WDR11: variants seen among roughly 807,000 people sequenced by gnomAD.
WDR11 encodes WD repeat-containing protein 11.
Under a neutral mutation model 151.2 loss-of-function variants are expected in WDR11, and 83 were observed. The ratio of observed to expected loss-of-function variants is 0.55; its 90% CI spans 0.46 to 0.66. The LOEUF is 0.66. WDR11 is among the 30% of genes least tolerant of loss of function. The pLI, the probability that WDR11 is intolerant of heterozygous loss-of-function variation, is 0.00. For missense variants in WDR11, 1,301 were observed against 1,480.9 expected (o/e 0.88, Z 1.99); for synonymous variants, 484 against 533.1 (o/e 0.91, Z 1.27).
chr10:120,866,214 T>G (rs1009248144), intron 7 of WDR11, among the ~76,000 whole-genome samples: 3 of 152,206 alleles, frequency 2.0e-5, no homozygotes, highest in African/African-American at 7.2e-5. Context: ...TTTTCACATC[T>G]TTTGGAAAGT....
At chr10:120,889,779 G>T (rs1182837515) in intron 17 of WDR11, 116 bp from the exon 18 acceptor site, 2 of 771,712 alleles carry the variant, frequency 2.6e-6, no homozygotes, top group African/African-American at 3.4e-5. Context: ...GCAAGTAAAG[G>T]GTTCTCCCAT....
Position 120,881,019 on chromosome 10 carries a change from G to C in WDR11, c.1739+118G>C. 4 of 881,262 alleles carry C rather than the reference G, an allele frequency of 4.5e-6. No individual in the cohort carries two copies. In the South Asian group the frequency reaches 5.9e-5, roughly 13 times the overall value. 54.6% of individuals were successfully genotyped at this position (881,262 alleles called of 1,614,324 possible). On this transcript the variant is annotated intron_variant, in intron 13 of 28. Transcript: ENST00000263461. ...TGCATATGGAATCTTTTTAGTGATA[G>C]CAAATGGTGATATGCAGCCCAAAGA...
intron 20 of WDR11, 94 bp from the exon 21 acceptor site, chr10:120,900,942 G>T (rs1847791597): frequency 1.2e-5 from 11 of 897,308 alleles, no homozygotes; most frequent in South Asian, 9.7e-5. Flanking sequence ...TACGAAGAAG[G>T]TTATCTCTAT....
chr10:120,908,525 T>A (rs1848157999), intron 28 of WDR11, 31 bp from the exon 29 acceptor site: 1 of 1,613,172 alleles, frequency 6.2e-7, no homozygotes, highest in South Asian at 1.1e-5. Context: ...CACAGCCCTT[T>A]TTACTCTTCT....
At position 120,906,787 on chromosome 10, in the gene WDR11, T is replaced by C. The variant is rs201977924; in HGVS notation, c.3449T>C (p.Phe1150Ser). ...VAETLHSMRYFDRAALFVEAC... is the reference protein window; with the variant it reads ...VAETLHSMRYSDRAALFVEAC... ...GTTCTGTTGAGCAGCATGAGATACT[T>C]TGATAGAGCAGCCTTATTTGTGGAA... The change falls in exon 28 of 29, where the codon TTT becomes TCT. Residue 1150 changes from phenylalanine to serine, a missense_variant. This residue lies in a region of WDR11 where 589 missense variants were observed against 670.6 expected (regional missense o/e 0.88). Coordinates refer to ENST00000263461, the MANE Select transcript of WDR11 (RefSeq NM_018117.12). 13 of 1,614,158 alleles carry C rather than the reference T, an allele frequency of 8.1e-6. No homozygotes were observed. In the East Asian group the frequency reaches 2.9e-4, roughly 36 times the overall value.
At chr10:120,885,703 G>A in intron 14 of WDR11, 111 bp from the exon 15 acceptor site, 3 of 1,332,440 alleles carry the variant, frequency 2.3e-6, no homozygotes, top group Non-Finnish European at 3.2e-6. Flanking sequence ...GGATTCATGT[G>A]TAGTAATAAT....
chr10:120,891,122 G>A (rs1474859874), intron 19 of WDR11, among the ~76,000 whole-genome samples: 13 of 144,712 alleles, frequency 9.0e-5, no homozygotes, highest in Non-Finnish European at 1.5e-5. Flanking sequence ...TGCCCCTTTT[G>A]ACTCTTTTCT....
At chr10:120,894,531 T>G (rs916805666) in intron 19 of WDR11, among the ~76,000 whole-genome samples, 1 of 152,180 alleles carries the variant, frequency 6.6e-6, no homozygotes, top group Non-Finnish European at 1.5e-5. Context: ...TTTTCACCGT[T>G]CATTGAATCA....
intron 9 of WDR11, chr10:120,868,813 T>C (rs1192259371): frequency 6.6e-6 from 1 of 152,198 alleles, no homozygotes; most frequent in African/African-American, 2.4e-5. Context: ...TTTCTGCCAG[T>C]TATGAAATCC....
At chr10:120,864,747 T>A (rs1183996557) in intron 5 of WDR11, among the ~76,000 whole-genome samples, 1 of 152,166 alleles carries the variant, frequency 6.6e-6, no homozygotes, top group African/African-American at 2.4e-5. Context: ...GCATGCCAGC[T>A]ATTATTATAT....
rs925841300 is a variant in WDR11 at position 120,878,561 on chromosome 10, T to TA, written c.1663+103dup. On this transcript the variant is annotated intron_variant, in intron 12 of 28. Transcript: ENST00000263461. Reference sequence around the variant, plus strand: ...CTTCTTTCACCTTGGAATTTTTTTTTATATTTCATGCTTATATATTTATTC... The same window carrying TA: ...CTTCTTTCACCTTGGAATTTTTTTTTAATATTTCATGCTTATATATTTATTC... The TA allele has an allele frequency of 2.0e-5, 18 of 888,156 alleles. No homozygotes were observed. In the Admixed American group the frequency reaches 2.3e-4, roughly 12 times the overall value. 55.0% of individuals were successfully genotyped at this position (888,156 alleles called of 1,614,324 possible).
intron 1 of WDR11, 39 bp downstream of exon 1, chr10:120,851,545 G>A (rs749782417): frequency 6.3e-7 from 1 of 1,595,252 alleles, no homozygotes; most frequent in African/African-American, 1.3e-5. Context: ...GGATCGGCCA[G>A]GAATGTGTGA....
intron 10 of WDR11, 126 bp from the exon 11 acceptor site, chr10:120,873,713 C>A (rs942252070): frequency 1.4e-6 from 1 of 724,752 alleles, no homozygotes; most frequent in Non-Finnish European, 2.5e-6. Flanking sequence ...TGTTTAAACA[C>A]ATAGTTTGGG....
At chr10:120,896,335 GA>G (rs1847613751) in intron 19 of WDR11, among the ~76,000 whole-genome samples, 2 of 152,142 alleles carry the variant, frequency 1.3e-5, no homozygotes, top group African/African-American at 4.8e-5. Flanking sequence ...GATGTAGATG[GA>G]AAAATGGAGA....
At position 120,862,906 on chromosome 10, in the gene WDR11, C is replaced by A; in HGVS notation, c.698C>A (p.Thr233Asn). 1 of 1,610,804 alleles carries A rather than the reference C, an allele frequency of 6.2e-7. No individual in the cohort carries two copies. The highest frequency in any genetic ancestry group is 8.5e-7 in the Non-Finnish European group (1 of 1,177,060). The change falls in exon 5 of 29, where the codon ACT becomes AAT. Residue 233 changes from threonine (T) to asparagine (N), a missense_variant. This residue lies in a region of WDR11 where 692 missense variants were observed against 762.5 expected (regional missense o/e 0.91). Coordinates refer to ENST00000263461, the MANE Select transcript of WDR11 (RefSeq NM_018117.12). ...CTAAATAAAGTAAAAATTTTAATCA[C>A]TCAAGAGAAACCTAGGTAAGTTACA... ...KALNKVKILI[T>N]QEKPSAEFIT...
intron 17 of WDR11, chr10:120,889,459 C>G: frequency 2.4e-6 from 1 of 409,972 alleles, no homozygotes; most frequent in East Asian, 5.5e-5. Flanking sequence ...CCAGGATGGT[C>G]TCGATCTCCT....
chr10:120,881,502 GT>G (rs10718730), intron 13 of WDR11, among the ~76,000 whole-genome samples: 56,522 of 151,862 alleles, frequency 0.37, 10,607 homozygotes, highest in Admixed American at 0.44. Context: ...ATCTTAACAA[GT>G]TTTGTAACTC....
Position 120,871,352 on chromosome 10 carries a change from T to C in WDR11, c.1471+6T>C, listed in dbSNP as rs1405518860. The C allele has an allele frequency of 1.9e-6, 3 of 1,613,270 alleles. No homozygotes were observed. Among genetic ancestry groups the C allele is most frequent in the Admixed American group, 3.3e-5 (2 of 59,990 alleles). On this transcript the variant is annotated splice_donor_region_variant and intron_variant, in intron 10 of 28. Coordinates refer to ENST00000263461, the MANE Select transcript of WDR11 (RefSeq NM_018117.12). Reference sequence around the variant, plus strand: ...TCAGCCACTGCTGGCTGTTGGTGAGTATTTGACCTGGTCTTTTTTTTTTTA... The same window carrying C: ...TCAGCCACTGCTGGCTGTTGGTGAGCATTTGACCTGGTCTTTTTTTTTTTA...
intron 2 of WDR11, among the ~76,000 whole-genome samples, chr10:120,856,730 A>AATAT (rs551056998): frequency 6.6e-6 from 1 of 151,298 alleles, no homozygotes; most frequent in African/African-American, 2.4e-5. Context: ...TGATTATTAA[A>AATAT]ATATATATAT....
Sources: allele counts gnomAD v4.1 joint callset (sites outside exome capture counted in the v4.1 genomes callset), GRCh38; gene constraint gnomAD v4.1.1; regional missense constraint gnomAD v4.1.1; transcripts MANE v1.5; gene names NCBI Gene and HGNC (gene_info 2026-07-23, HGNC 2026-07-21).